ARHGAP39: variants seen among roughly 807,000 people sequenced by gnomAD.
ARHGAP39 encodes rho GTPase-activating protein 39.
ARHGAP39 carries 44 observed loss-of-function variants against 106.9 expected under a neutral mutation model. The ratio of observed to expected loss-of-function variants is 0.41; its 90% CI spans 0.32 to 0.53. ARHGAP39 has a LOEUF of 0.53. Ranked by LOEUF, ARHGAP39 falls within the 20% of genes least tolerant of loss-of-function variation. ARHGAP39 has a pLI of 0.21. For missense variants in ARHGAP39, 1,496 were observed against 1,577.3 expected (o/e 0.95, Z 0.87); for synonymous variants, 768 against 693.2 (o/e 1.11, Z -1.69).
At chr8:144,688,182 C>A (rs879407986), upstream of ARHGAP39, among the ~76,000 whole-genome samples, 2 of 150,622 alleles carry the variant, frequency 1.3e-5, no homozygotes, top group Non-Finnish European at 2.9e-5. Flanking sequence ...TGGCTCATTG[C>A]AACCTCTGCC....
At chr8:144,594,505 A>G (rs1819523343) in intron 2 of ARHGAP39, among the ~76,000 whole-genome samples, 1 of 152,016 alleles carries the variant, frequency 6.6e-6, no homozygotes, top group African/African-American at 2.4e-5. Flanking sequence ...GACCAGCCTC[A>G]CCAACATGGT....
At chr8:144,669,506 C>CAAAAAAAAAAAAAAAAAAAAAAAAA (rs55678140) in intron 1 of ARHGAP39, among the ~76,000 whole-genome samples, 3 of 59,730 alleles carry the variant, frequency 5.0e-5, no homozygotes, top group East Asian at 5.1e-4. Context: ...GACTCGGTCT[C>CAAAAAAAAAAAAAAAAAAAAAAAAA]AAAAAAAAAA....
In ARHGAP39 at chr8:144,606,675, G is replaced by T. The variant is rs116703081; in HGVS notation, c.-81-980C>A. ...CTGCGGAGGAGGAGGAGGAAAGTAA[G>T]ACATGGGTTTTTGACCACCTGGTGG... On this transcript the variant is annotated intron_variant, in intron 1 of 11. Coordinates refer to ENST00000377307, the MANE Select transcript of ARHGAP39 (RefSeq NM_025251.3). Among the ~76,000 whole-genome samples the T allele has an allele frequency of 3.6e-3, 545 of 152,268 alleles. 3 individuals carry two copies. The highest frequency in any genetic ancestry group is 0.013 in the African/African-American group (526 of 41,540).
chr8:144,577,926 G>C (rs1288763535), intron 3 of ARHGAP39, among the ~76,000 whole-genome samples: 4 of 152,120 alleles, frequency 2.6e-5, no homozygotes, highest in African/African-American at 9.7e-5. Flanking sequence ...AATATTGCTT[G>C]GATGAAATAT....
In ARHGAP39 at chr8:144,671,927, A is replaced by G. The variant is rs2129728088; in HGVS notation, c.-82+13759T>C. Among the ~76,000 whole-genome samples, 1 of 152,360 alleles carries G rather than the reference A, an allele frequency of 6.6e-6. No individual in the cohort carries two copies. Among genetic ancestry groups the G allele is most frequent in the South Asian group, 2.1e-4 (1 of 4,828 alleles). On this transcript the variant is annotated intron_variant, in intron 1 of 11. Transcript: ENST00000377307. The surrounding 1 kb of genome is among the most constrained non-coding windows in gnomAD (Gnocchi z 4.5). ...CCTGGCAAACACAAGACCAGGTGTG[A>G]GAGCCCTGCCAGAGCAATGGAGACA...
intron 1 of ARHGAP39, among the ~76,000 whole-genome samples, chr8:144,616,102 G>A (rs1190627153): frequency 6.6e-6 from 1 of 152,256 alleles, no homozygotes; most frequent in Non-Finnish European, 1.5e-5. Flanking sequence ...ATTTCTTACT[G>A]TGGTGTGGCT....
intron 1 of ARHGAP39, among the ~76,000 whole-genome samples, chr8:144,681,110 G>C (rs570989032): frequency 9.9e-5 from 15 of 152,254 alleles, no homozygotes; most frequent in Admixed American, 8.5e-4. Context: ...TGTGGCCAGG[G>C]TATGGAAGTC....
chr8:144,607,948 G>A (rs984297306), intron 1 of ARHGAP39, among the ~76,000 whole-genome samples: 3 of 152,050 alleles, frequency 2.0e-5, no homozygotes, highest in Non-Finnish European at 4.4e-5. Context: ...TTTGAGGTCG[G>A]GGGTTCAAGA....
intron 2 of ARHGAP39, among the ~76,000 whole-genome samples, chr8:144,599,507 A>G (rs1162932614): frequency 2.0e-5 from 3 of 152,344 alleles, no homozygotes; most frequent in African/African-American, 7.2e-5. Context: ...ACAGAAAACA[A>G]GAGAGTTTCT....
chr8:144,695,301 C>T, the ARHGAP39 span, among the ~76,000 whole-genome samples: 1 of 150,306 alleles, frequency 6.7e-6, no homozygotes, highest in South Asian at 2.1e-4. Context: ...GTTGCGAACT[C>T]CTGATCTCAT....
Position 144,645,739 on chromosome 8 carries a change from A to C in ARHGAP39, c.-82+39947T>G, listed in dbSNP as rs954233451. The stretch of plus-strand genomic sequence containing the variant: ...GTGCTCTCAGGAAGCAGAGCGATAC[A>C]CCTTGGATGGCAGAGGTTTATTTTG... On this transcript the variant is annotated intron_variant, in intron 1 of 11. Transcript: ENST00000377307. This position sits in a 1 kb window ranked among gnomAD's most constrained non-coding sequence, Gnocchi z 4.4. Among the ~76,000 whole-genome samples, 64 of 152,252 alleles carry C rather than the reference A, an allele frequency of 4.2e-4. No homozygotes were observed. Among genetic ancestry groups the C allele is most frequent in the African/African-American group, 1.5e-3 (63 of 41,464 alleles).
rs1344904309 is a variant in ARHGAP39, at chr8:144,670,542, G to C, written c.-82+15144C>G. On this transcript the variant is annotated intron_variant, in intron 1 of 11. Transcript: ENST00000377307. The surrounding 1 kb of genome is among the most constrained non-coding windows in gnomAD (Gnocchi z 4.4). ...CAAGGCTTCAAGAAGACTATTTTGG[G>C]TGGGCTCTTGGTGCAGTCTGGCTGG... is the stretch of plus-strand genomic sequence containing the variant. 6.6e-6 allele frequency among the ~76,000 whole-genome samples: 1 copy of C among 152,138 alleles called. No individual in the cohort carries two copies. The highest frequency in any genetic ancestry group is 1.5e-5 in the Non-Finnish European group (1 of 68,028).
chr8:144,582,764 C>G (rs1819041446), intron 2 of ARHGAP39, among the ~76,000 whole-genome samples: 1 of 152,044 alleles, frequency 6.6e-6, no homozygotes, highest in South Asian at 2.1e-4. Flanking sequence ...TGAAGGAGGG[C>G]CAGTGAGAGA....
At chr8:144,534,086 G>C (rs969815925) in intron 8 of ARHGAP39, 43 bp downstream of exon 8, 1 of 1,604,234 alleles carries the variant, frequency 6.2e-7, no homozygotes, top group Non-Finnish European at 8.5e-7. Flanking sequence ...AAGGGTCTCT[G>C]TGTCCCCGCC....
intron 1 of ARHGAP39, among the ~76,000 whole-genome samples, chr8:144,619,559 C>T (rs1024389252): frequency 5.3e-5 from 8 of 151,060 alleles, no homozygotes; most frequent in Non-Finnish European, 7.4e-5. Flanking sequence ...TCCGAGACAG[C>T]GTGAGTACCC....
In ARHGAP39 at chr8:144,675,806, G is replaced by A. The variant is rs149638015; in HGVS notation, c.-82+9880C>T. 7.5e-3 allele frequency among the ~76,000 whole-genome samples: 1,127 copies of A among 150,430 alleles called. 4 individuals are homozygous for A. Among genetic ancestry groups the A allele is most frequent in the Non-Finnish European group, 0.011 (765 of 67,570 alleles). On this transcript the variant is annotated intron_variant, in intron 1 of 11. Transcript: ENST00000377307. ...CTCAGGAGTGAAGCTGCAGACCTTC[G>A]TGGTTAGTATTACAGTTCTTAAAGG...
chr8:144,650,240 G>A (rs932462821), intron 1 of ARHGAP39, among the ~76,000 whole-genome samples: 3 of 152,000 alleles, frequency 2.0e-5, no homozygotes, highest in Admixed American at 1.3e-4. Context: ...AACAAGCTCC[G>A]AGATGGAATC....
Position 144,580,918 on chromosome 8 carries a change from T to G in ARHGAP39, c.440A>C (p.Glu147Ala). ...SSSLEPEPDTEKAQELPARAG... is the reference protein window; with the variant it reads ...SSSLEPEPDTAKAQELPARAG... ...CCTCGCTGGCAACTCCTGCGCTTTC[T>G]CAGTGTCGGGCTCGGGCTCCAGGGA... The change falls in exon 3 of 12, where the codon GAG (glutamate) becomes GCG (alanine). Residue 147 changes from glutamate (E) to alanine (A), a missense_variant. Glu to Ala is a moderately radical substitution (Grantham distance 107). Coordinates refer to ENST00000377307, the MANE Select transcript of ARHGAP39 (RefSeq NM_025251.3). 6.2e-7 allele frequency: 1 copy of G among 1,605,268 alleles called. No individual in the cohort carries two copies. Among genetic ancestry groups the G allele is most frequent in the Non-Finnish European group, 8.5e-7 (1 of 1,178,356 alleles).
In ARHGAP39 at chr8:144,580,857, C is replaced by G; in HGVS notation, c.501G>C (p.Glu167Asp). 5.1e-6 allele frequency: 8 copies of G among 1,564,340 alleles called. No individual in the cohort carries two copies. The highest frequency in any genetic ancestry group is 1.4e-5 in the African/African-American group (1 of 73,872). The stretch of plus-strand genomic sequence containing the variant: ...GCCCCCGCCCTCACCTGCCGCTGTC[C>G]TCCTTCACTGTCCCAAACGCCGCGG... ...GRPAAFGTVK[E>D]DSGSSSPPGV... The change falls in exon 3 of 12, where the codon GAG becomes GAC. Residue 167 changes from glutamate (E) to aspartate (D), a missense_variant. By Grantham distance (45) the Glu-to-Asp change is conservative. Coordinates refer to ENST00000377307, the MANE Select transcript of ARHGAP39 (RefSeq NM_025251.3).
Sources: allele counts gnomAD v4.1 joint callset (sites outside exome capture counted in the v4.1 genomes callset), GRCh38; gene constraint gnomAD v4.1.1; non-coding constraint Gnocchi (gnomAD v3.1); transcripts MANE v1.5; gene names NCBI Gene and HGNC (gene_info 2026-07-23, HGNC 2026-07-21).